The following SRSF10 variants were observed in gnomAD, a reference collection of about 807,000 sequenced individuals.
SRSF10 encodes the protein serine/arginine-rich splicing factor 10.
SRSF10 carries 9 observed loss-of-function variants against 32.6 expected under a neutral mutation model. The ratio of observed to expected loss-of-function variants is 0.28; its 90% CI spans 0.17 to 0.48. The LOEUF is 0.48. Ranked by LOEUF, SRSF10 falls within the 20% of genes least tolerant of loss-of-function variation. The probability of loss-of-function intolerance (pLI) is 0.99; values close to 1 mark genes in which losing one functional copy is unlikely to be tolerated. For synonymous variants in SRSF10, 105 were observed against 112.4 expected, an observed-to-expected ratio of 0.93 and a Z score of 0.42; for missense variants, 201 against 331.8, an observed-to-expected ratio of 0.61 and a Z score of 3.06.
chr1:23,970,043 A>G lies in SRSF10; in HGVS notation c.*1099T>C. On this transcript the variant is annotated 3_prime_UTR_variant, in exon 6 of 6. Coordinates refer to ENST00000492112, the MANE Select transcript of SRSF10 (RefSeq NM_054016.4). ...CACACACAAAACCTACTTTGAAACA[A>G]TTTACTTACTTAACAGCAGTAAGAA... 1 of 985,440 alleles carries G rather than the reference A, an allele frequency of 1.0e-6. No individual in the cohort carries two copies. The highest frequency in any genetic ancestry group is 1.2e-6 in the Non-Finnish European group (1 of 829,920). The allele number at this position is 985,440 out of a possible 1,614,324, so 61.0% of individuals were successfully genotyped here.
Position 23,967,254 on chromosome 1 carries a change from T to A in SRSF10, c.*3888A>T, listed in dbSNP as rs368086156. 1 of 159,752 alleles carries A rather than the reference T, an allele frequency of 6.3e-6. No individual in the cohort carries two copies. The highest frequency in any genetic ancestry group is 2.4e-5 in the African/African-American group (1 of 41,686). The allele number at this position is 159,752 out of a possible 1,614,324, so 9.9% of individuals were successfully genotyped here. On this transcript the variant is annotated 3_prime_UTR_variant, in exon 6 of 6. Coordinates refer to ENST00000492112, the MANE Select transcript of SRSF10 (RefSeq NM_054016.4). ...CACCAAAATAAACAAAGGCAAGATTTGCCAATAATGGCAAAAATGGAACTT... is the reference window on the plus strand; with the variant it reads ...CACCAAAATAAACAAAGGCAAGATTAGCCAATAATGGCAAAAATGGAACTT...
chr1:23,973,436 C>G (rs1641892295), intron 3 of SRSF10, among the ~76,000 whole-genome samples: 1 of 152,158 alleles, frequency 6.6e-6, no homozygotes, highest in Non-Finnish European at 1.5e-5. Context: ...CCCAAGTGAT[C>G]CTCCTGCCTA....
At chr1:23,972,045 A>G in intron 3 of SRSF10, 33 bp from the exon 4 acceptor site, 2 of 1,452,260 alleles carry the variant, frequency 1.4e-6, no homozygotes, top group Non-Finnish European at 1.8e-6. Flanking sequence ...ATATTTAAAA[A>G]TATTAAAAAC....
chr1:23,979,706 A>C (rs1642331314), intron 1 of SRSF10, among the ~76,000 whole-genome samples: 2 of 151,848 alleles, frequency 1.3e-5, no homozygotes, highest in Non-Finnish European at 2.9e-5. Flanking sequence ...ACTGATTAAA[A>C]CCCCCAAATA....
chr1:23,970,887 A>G lies in SRSF10; in HGVS notation c.*255T>C, dbSNP rs1641715973. 8.4e-7 allele frequency: 1 copy of G among 1,195,986 alleles called. No individual in the cohort carries two copies. The allele number at this position is 1,195,986 out of a possible 1,614,324, so 74.1% of individuals were successfully genotyped here. A position where few individuals can be genotyped will look rare whatever the true frequency, so the allele number is the denominator to read the frequency against. On this transcript the variant is annotated 3_prime_UTR_variant, in exon 6 of 6. Transcript: ENST00000492112. ...CATCTTTTCACCAAATACTTCAAGC[A>G]TAAAAAATGAGAATCTTTACAAAAA...
In SRSF10 at chr1:23,971,345, G is replaced by T; in HGVS notation, c.586C>A (p.Arg196Ser). 1 of 1,612,812 alleles carries T rather than the reference G, an allele frequency of 6.2e-7. No homozygotes were observed. Among genetic ancestry groups the T allele is most frequent in the East Asian group, 2.2e-5 (1 of 44,878 alleles). ...QPKKEMKAKS[R>S]SRSASHTKTR... is the part of the protein sequence containing the mutation. Reference sequence around the variant, plus strand: ...TTGGTGTGAGATGCAGACCTAGAACGTGATTTAGCCTTCATTTCTTTCTTG... The same window carrying T: ...TTGGTGTGAGATGCAGACCTAGAACTTGATTTAGCCTTCATTTCTTTCTTG... The change falls in exon 6 of 6, where the codon CGT becomes AGT. Residue 196 changes from arginine (R) to serine (S), a missense_variant. This residue lies in a region of SRSF10 where 159 missense variants were observed against 196.7 expected (regional missense o/e 0.81). Transcript: ENST00000492112.
At position 23,969,863 on chromosome 1, in the gene SRSF10, C is replaced by T. The variant is rs113542441; in HGVS notation, c.*1279G>A. ...TAAATTTCATGGCACCACAGAATCACCTAGAATGAGTGTTGTCTTACAACT... is the reference window on the plus strand; with the variant it reads ...TAAATTTCATGGCACCACAGAATCATCTAGAATGAGTGTTGTCTTACAACT... On this transcript the variant is annotated 3_prime_UTR_variant, in exon 6 of 6. Coordinates refer to ENST00000492112, the MANE Select transcript of SRSF10 (RefSeq NM_054016.4). 3.7e-5 allele frequency: 36 copies of T among 985,376 alleles called. No individual in the cohort carries two copies. In the African/African-American group the frequency reaches 4.7e-4, roughly 13 times the overall value. 61.0% of individuals were successfully genotyped at this position (985,376 alleles called of 1,614,324 possible). A position where few individuals can be genotyped will look rare whatever the true frequency, so the allele number is the denominator to read the frequency against.
At chr1:23,978,335 T>C in intron 2 of SRSF10, 1 of 995,390 alleles carries the variant, frequency 1.0e-6, no homozygotes. Context: ...ACCTCATTGT[T>C]ATACAATTTG....
chr1:23,972,936 C>G (rs1182773980), intron 3 of SRSF10, among the ~76,000 whole-genome samples: 1 of 152,172 alleles, frequency 6.6e-6, no homozygotes. Flanking sequence ...GACAGGGTTT[C>G]TCCATGTTGG....
Position 23,971,831 on chromosome 1 carries a change from T to C in SRSF10, c.437+19A>G, listed in dbSNP as rs1270511079. On this transcript the variant is annotated intron_variant, in intron 4 of 5. Coordinates refer to ENST00000492112, the MANE Select transcript of SRSF10 (RefSeq NM_054016.4). ...AATACATTTTTTAAACAGATCACTG[T>C]GCTACACAGCACACTTACTTTCTAG... 5.6e-6 allele frequency: 9 copies of C among 1,593,874 alleles called. No homozygotes were observed. The Admixed American group carries it at 1.3e-4, about 23-fold the overall frequency.
At chr1:23,975,444 A>T (rs1642029569) in intron 2 of SRSF10, 1 of 176,034 alleles carries the variant, frequency 5.7e-6, no homozygotes, top group South Asian at 1.9e-4. Flanking sequence ...TTGTATGCTA[A>T]AATAAAAATT....
chr1:23,972,075 A>C, intron 3 of SRSF10, 63 bp from the exon 4 acceptor site: 1 of 1,361,232 alleles, frequency 7.3e-7, no homozygotes, highest in Non-Finnish European at 9.6e-7. Context: ...GCCCTCAATA[A>C]ATAGGGAAAA....
chr1:23,970,889 A>T lies in SRSF10; in HGVS notation c.*253T>A, dbSNP rs1641716331. The T allele has an allele frequency of 9.2e-6, 11 of 1,198,462 alleles. No homozygotes were observed. The highest frequency in any genetic ancestry group is 1.0e-5 in the Non-Finnish European group (10 of 967,142). The allele number at this position is 1,198,462 out of a possible 1,614,324, so 74.2% of individuals were successfully genotyped here. On this transcript the variant is annotated 3_prime_UTR_variant, in exon 6 of 6. Transcript: ENST00000492112. ...TCTTTTCACCAAATACTTCAAGCAT[A>T]AAAAATGAGAATCTTTACAAAAATA...
rs1413739977 is a variant in SRSF10, at chr1:23,967,422, A to T, written c.*3720T>A. 1 of 441,584 alleles carries T rather than the reference A, an allele frequency of 2.3e-6. No individual in the cohort carries two copies. Among genetic ancestry groups the T allele is most frequent in the Non-Finnish European group, 4.1e-6 (1 of 244,816 alleles). The allele number at this position is 441,584 out of a possible 1,614,324, so 27.4% of individuals were successfully genotyped here. ...TTATGGACCTGTTACCCATGAATCA[A>T]TATAAACCTATTCATATTTAGGGAT... On this transcript the variant is annotated 3_prime_UTR_variant, in exon 6 of 6. Transcript: ENST00000492112.
chr1:23,970,220 G>A lies in SRSF10; in HGVS notation c.*922C>T, dbSNP rs1265178467. 5.1e-6 allele frequency: 5 copies of A among 985,042 alleles called. No individual in the cohort carries two copies. The African/African-American group carries it at 5.3e-5, about 10-fold the overall frequency. The allele number at this position is 985,042 out of a possible 1,614,324, so 61.0% of individuals were successfully genotyped here. On this transcript the variant is annotated 3_prime_UTR_variant, in exon 6 of 6. Transcript: ENST00000492112. ...TTTTCTATGTTCCAAATCTTCATAG[G>A]AACCAGAAAAAAAGCAGTGAAGGCT... is the stretch of plus-strand genomic sequence containing the variant.
At chr1:23,980,038 C>A (rs1642367012) in intron 1 of SRSF10, among the ~76,000 whole-genome samples, 153 bp downstream of exon 1, 1 of 152,246 alleles carries the variant, frequency 6.6e-6, no homozygotes, top group Non-Finnish European at 1.5e-5. Flanking sequence ...GCGGCTGAGG[C>A]CCGCTGCGCG....
chr1:23,970,907 CA>C lies in SRSF10; in HGVS notation c.*234del. 2 of 1,218,400 alleles carry C rather than the reference CA, an allele frequency of 1.6e-6. No homozygotes were observed. Among genetic ancestry groups the C allele is most frequent in the Non-Finnish European group, 2.0e-6 (2 of 979,408 alleles). The allele number at this position is 1,218,400 out of a possible 1,614,324, so 75.5% of individuals were successfully genotyped here. A position where few individuals can be genotyped will look rare whatever the true frequency, so the allele number is the denominator to read the frequency against. On this transcript the variant is annotated 3_prime_UTR_variant, in exon 6 of 6. Coordinates refer to ENST00000492112, the MANE Select transcript of SRSF10 (RefSeq NM_054016.4). ...CAAGCATAAAAAATGAGAATCTTTA[CA>C]AAAATATACAGAGACACCACAAATT...
In SRSF10 at chr1:23,980,265, G is replaced by C. The variant is rs1428077052; in HGVS notation, c.-10C>G. The C allele has an allele frequency of 2.7e-6, 4 of 1,484,576 alleles. No individual in the cohort carries two copies. The highest frequency in any genetic ancestry group is 1.8e-6 in the Non-Finnish European group (2 of 1,114,332). The allele number at this position is 1,484,576 out of a possible 1,614,324, so 92.0% of individuals were successfully genotyped here. A position where few individuals can be genotyped will look rare whatever the true frequency, so the allele number is the denominator to read the frequency against. On this transcript the variant is annotated 5_prime_UTR_variant, in exon 1 of 6. Coordinates refer to ENST00000492112, the MANE Select transcript of SRSF10 (RefSeq NM_054016.4). ...GCAGGTAGCGGGACATGGCGGCGGC[G>C]TGTCTCGGCCGGGCGCACTAACGGG...
Position 23,971,429 on chromosome 1 carries a change from G to C in SRSF10, c.502C>G (p.Arg168Gly). 1.2e-6 allele frequency: 2 copies of C among 1,608,718 alleles called. No individual in the cohort carries two copies. Among genetic ancestry groups the C allele is most frequent in the South Asian group, 2.2e-5 (2 of 90,022 alleles). The change falls in exon 6 of 6, where the codon CGA becomes GGA. Residue 168 changes from arginine to glycine, a missense_variant. Arg to Gly is a moderately radical substitution (Grantham distance 125). Around this residue, in one of 3 missense-constraint regions of SRSF10, gnomAD observed 159 missense variants for 196.7 expected, o/e 0.81. Transcript: ENST00000492112. ...SHSDNDRFKH[R>G]NRSFSRSKSN... Reference sequence around the variant, plus strand: ...TTAGATCTTGAAAAAGATCGATTTCGGTGTTTGAATCTTTCAAAACAGAGG... The same window carrying C: ...TTAGATCTTGAAAAAGATCGATTTCCGTGTTTGAATCTTTCAAAACAGAGG...
Sources: allele counts gnomAD v4.1 joint callset (sites outside exome capture counted in the v4.1 genomes callset), GRCh38; gene constraint gnomAD v4.1.1; regional missense constraint gnomAD v4.1.1; transcripts MANE v1.5; gene names NCBI Gene and HGNC (gene_info 2026-07-23, HGNC 2026-07-21).